SHISA9: variants seen among roughly 807,000 people sequenced by gnomAD.
SHISA9 encodes protein shisa-9.
SHISA9 carries 13 observed loss-of-function variants against 38.0 expected under a neutral mutation model. The observed-to-expected ratio is 0.34, with a 90% CI of 0.22 to 0.54. The LOEUF is 0.54. Among genes scored for constraint, SHISA9 ranks in the 20% least tolerant of loss-of-function variants. SHISA9 has a pLI of 0.91. For missense variants in SHISA9, 538 were observed against 575.8 expected, an observed-to-expected ratio of 0.93 and a Z score of 0.67; for synonymous variants, 275 against 242.0, an observed-to-expected ratio of 1.14 and a Z score of -1.27.
At chr16:12,997,931 G>C (rs1267795921) in intron 2 of SHISA9, among the ~76,000 whole-genome samples, 2 of 152,052 alleles carry the variant, frequency 1.3e-5, no homozygotes, top group Non-Finnish European at 2.9e-5. Flanking sequence ...GTGCCTTCTC[G>C]TCCAGACACC....
the SHISA9 span, among the ~76,000 whole-genome samples, chr16:13,511,194 A>G: frequency 6.6e-6 from 1 of 152,248 alleles, no homozygotes; most frequent in Non-Finnish European, 1.5e-5. Context: ...AGACCCTTGT[A>G]CTTCTCCATA....
the SHISA9 span, among the ~76,000 whole-genome samples, chr16:13,532,821 G>C: frequency 6.6e-6 from 1 of 152,026 alleles, no homozygotes; most frequent in Admixed American, 6.6e-5. Flanking sequence ...ATTCCCTGAA[G>C]ATTCCAGCAC....
the SHISA9 span, among the ~76,000 whole-genome samples, chr16:13,434,982 C>T: frequency 6.6e-6 from 1 of 152,150 alleles, no homozygotes; most frequent in Non-Finnish European, 1.5e-5. Context: ...TTAATAATCC[C>T]TGTTTAAAAT....
chr16:13,287,319 C>T, the SHISA9 span, among the ~76,000 whole-genome samples: 2 of 152,052 alleles, frequency 1.3e-5, no homozygotes, highest in African/African-American at 2.4e-5. Context: ...GGAACTATTC[C>T]GTGGCAGAAA....
intron 2 of SHISA9, among the ~76,000 whole-genome samples, chr16:13,091,656 A>T (rs1364088042): frequency 6.6e-6 from 1 of 152,152 alleles, no homozygotes; most frequent in East Asian, 1.9e-4. Flanking sequence ...CCATCAGGTT[A>T]TTTAAAGTCT....
the SHISA9 span, among the ~76,000 whole-genome samples, chr16:13,251,874 A>G: frequency 3.9e-5 from 6 of 152,246 alleles, no homozygotes; most frequent in African/African-American, 1.4e-4. Flanking sequence ...ACAATTGACT[A>G]TTTACTTAGT....
At chr16:13,137,644 T>TG (rs2050361835) in intron 2 of SHISA9, among the ~76,000 whole-genome samples, 1 of 151,982 alleles carries the variant, frequency 6.6e-6, no homozygotes, top group Non-Finnish European at 1.5e-5. Context: ...TTAGTAGAGA[T>TG]GGGGTTTCAC....
chr16:13,181,306 TATATATACAC>T (rs1434155174), intron 2 of SHISA9, among the ~76,000 whole-genome samples: 202 of 38,982 alleles, frequency 5.2e-3, no homozygotes, highest in East Asian at 0.026. Context: ...TATATATATA[TATATATACAC>T]ACACACACAC....
chr16:13,139,641 C>T (rs1021847849), intron 2 of SHISA9, among the ~76,000 whole-genome samples: 3 of 151,982 alleles, frequency 2.0e-5, no homozygotes, highest in Admixed American at 6.6e-5. Context: ...GAGTCTCCTC[C>T]GCATTCCCTG....
At chr16:13,393,182 A>G in the SHISA9 span, among the ~76,000 whole-genome samples, 1 of 152,168 alleles carries the variant, frequency 6.6e-6, no homozygotes, top group Non-Finnish European at 1.5e-5. Context: ...TGCTCACTGT[A>G]TCCACTGTTG....
the SHISA9 span, among the ~76,000 whole-genome samples, chr16:13,534,895 A>G: frequency 1.3e-5 from 2 of 152,232 alleles, no homozygotes; most frequent in East Asian, 1.9e-4. Context: ...TCTTTTTAAT[A>G]TCACCTATAT....
chr16:12,924,744 T>C (rs1245930201), intron 2 of SHISA9, among the ~76,000 whole-genome samples: 1 of 152,156 alleles, frequency 6.6e-6, no homozygotes, highest in Non-Finnish European at 1.5e-5. Flanking sequence ...GTGGTATAGA[T>C]GGATCTCTGA....
chr16:13,335,428 AC>A, the SHISA9 span, among the ~76,000 whole-genome samples: 2 of 151,790 alleles, frequency 1.3e-5, no homozygotes, highest in African/African-American at 2.4e-5. Flanking sequence ...TCTATCCCCT[AC>A]CCCCCTTTAA....
At chr16:13,351,943 G>C in the SHISA9 span, among the ~76,000 whole-genome samples, 4 of 152,180 alleles carry the variant, frequency 2.6e-5, no homozygotes, top group African/African-American at 9.7e-5. Flanking sequence ...GGAAGACAGA[G>C]GGAGAAATGA....
At chr16:13,540,158 T>C in the SHISA9 span, among the ~76,000 whole-genome samples, 1 of 151,592 alleles carries the variant, frequency 6.6e-6, no homozygotes, top group Non-Finnish European at 1.5e-5. Flanking sequence ...GTCCAGTGTA[T>C]ATGTATACAC....
chr16:13,211,654 T>C (rs2051121196), intron 3 of SHISA9, among the ~76,000 whole-genome samples: 1 of 152,238 alleles, frequency 6.6e-6, no homozygotes, highest in South Asian at 2.1e-4. Flanking sequence ...AAATGTTCCG[T>C]AGCCTATACA....
At chr16:13,328,285 TAG>T in the SHISA9 span, among the ~76,000 whole-genome samples, 2 of 152,112 alleles carry the variant, frequency 1.3e-5, no homozygotes, top group Admixed American at 1.3e-4. Context: ...TGTTTCTAGT[TAG>T]AGTCTATTTT....
intron 2 of SHISA9, among the ~76,000 whole-genome samples, chr16:13,146,621 C>T (rs1160831637): frequency 1.3e-5 from 2 of 152,144 alleles, no homozygotes; most frequent in Non-Finnish European, 2.9e-5. Context: ...TTATTGAGCC[C>T]TTGGAATGAG....
chr16:13,184,549 T>G (rs777499696), intron 2 of SHISA9, among the ~76,000 whole-genome samples: 8 of 152,266 alleles, frequency 5.3e-5, no homozygotes, highest in Non-Finnish European at 7.3e-5. Context: ...CGTAGAGTGC[T>G]GTAACTACCG....
Sources: allele counts gnomAD v4.1 joint callset (sites outside exome capture counted in the v4.1 genomes callset), GRCh38; gene constraint gnomAD v4.1.1; transcripts MANE v1.5; gene names NCBI Gene and HGNC (gene_info 2026-07-23, HGNC 2026-07-21).